Variants in CHCHD3 observed in about 807,000 individuals in gnomAD.
CHCHD3 encodes MICOS complex subunit MIC19.
A neutral mutation model predicts 38.2 loss-of-function variants in CHCHD3; 20 were observed. That is an observed-to-expected ratio of 0.52 (90% confidence interval 0.37 to 0.76). The LOEUF is 0.76. Ranked by LOEUF, CHCHD3 falls within the 30% of genes least tolerant of loss-of-function variation. The probability of loss-of-function intolerance (pLI) is 0.00; values close to 1 mark genes in which losing one functional copy is unlikely to be tolerated. For missense variants in CHCHD3, 245 were observed against 279.2 expected (o/e 0.88, Z 0.87); for synonymous variants, 82 against 100.0 (o/e 0.82, Z 1.07).
At chr7:133,027,962 G>T (rs1027110700) in intron 2 of CHCHD3, among the ~76,000 whole-genome samples, 1 of 151,994 alleles carries the variant, frequency 6.6e-6, no homozygotes, top group African/African-American at 2.4e-5. Flanking sequence ...ATGACATATG[G>T]GTACACCTGT....
At chr7:133,007,840 A>G (rs528843766) in intron 3 of CHCHD3, among the ~76,000 whole-genome samples, 1 of 152,234 alleles carries the variant, frequency 6.6e-6, no homozygotes, top group Non-Finnish European at 1.5e-5. Flanking sequence ...TGTCCCATAA[A>G]CAACAGGACT....
intron 6 of CHCHD3, among the ~76,000 whole-genome samples, chr7:132,824,488 T>A: frequency 6.6e-6 from 1 of 151,926 alleles, no homozygotes; most frequent in East Asian, 1.9e-4. Flanking sequence ...CAGGCTAATT[T>A]TCTGTTTAGT....
intron 3 of CHCHD3, among the ~76,000 whole-genome samples, chr7:133,014,757 C>T (rs1365063689): frequency 6.6e-6 from 1 of 152,020 alleles, no homozygotes; most frequent in Non-Finnish European, 1.5e-5. Flanking sequence ...AATTCCTGCA[C>T]TTCTTTATTG....
At chr7:132,836,447 T>A (rs1253788999) in intron 6 of CHCHD3, among the ~76,000 whole-genome samples, 2 of 151,958 alleles carry the variant, frequency 1.3e-5, no homozygotes, top group Non-Finnish European at 2.9e-5. Flanking sequence ...ACAACTTTTT[T>A]TTTCTCTTGC....
intron 4 of CHCHD3, among the ~76,000 whole-genome samples, chr7:132,944,546 G>A (rs1424444589): frequency 6.6e-6 from 1 of 151,364 alleles, no homozygotes; most frequent in African/African-American, 2.4e-5. Flanking sequence ...ACAATACATT[G>A]CTATAATAGA....
At chr7:133,014,329 CAA>C (rs35895641) in intron 3 of CHCHD3, among the ~76,000 whole-genome samples, 89 of 121,464 alleles carry the variant, frequency 7.3e-4, no homozygotes, top group African/African-American at 2.4e-3. Context: ...GGGGATAACT[CAA>C]AAAAAAAAAA....
At chr7:132,815,144 A>C (rs1807165130) in intron 6 of CHCHD3, among the ~76,000 whole-genome samples, 1 of 152,226 alleles carries the variant, frequency 6.6e-6, no homozygotes, top group Non-Finnish European at 1.5e-5. Flanking sequence ...AATTTTTATC[A>C]GACACCATCA....
At chr7:132,859,229 T>C (rs948015457) in intron 5 of CHCHD3, among the ~76,000 whole-genome samples, 1 of 152,148 alleles carries the variant, frequency 6.6e-6, no homozygotes, top group African/African-American at 2.4e-5. Flanking sequence ...TAAAAGTTAT[T>C]ATATATTAAA....
At chr7:133,024,419 G>T in intron 3 of CHCHD3, 127 bp downstream of exon 3, 1 of 761,214 alleles carries the variant, frequency 1.3e-6, no homozygotes, top group Non-Finnish European at 2.3e-6. Context: ...CCAAGTTCAT[G>T]TGTTCAGCAC....
intron 4 of CHCHD3, among the ~76,000 whole-genome samples, chr7:132,962,405 G>A (rs1185183529): frequency 1.3e-5 from 2 of 152,022 alleles, no homozygotes; most frequent in Admixed American, 6.6e-5. Context: ...CTACATTAAC[G>A]ACCTTGTCCT....
chr7:132,965,532 A>C (rs1029392342), intron 4 of CHCHD3, among the ~76,000 whole-genome samples: 2 of 152,136 alleles, frequency 1.3e-5, no homozygotes, highest in African/African-American at 2.4e-5. Context: ...CATAAGCTTC[A>C]AGACACTAAC....
chr7:133,060,703 G>A (rs1330908655), intron 2 of CHCHD3, among the ~76,000 whole-genome samples: 3 of 152,174 alleles, frequency 2.0e-5, no homozygotes, highest in Non-Finnish European at 4.4e-5. Flanking sequence ...GACGTCAGCA[G>A]TTCGAGACCA....
intron 4 of CHCHD3, among the ~76,000 whole-genome samples, chr7:132,888,242 G>A (rs1809265450): frequency 1.3e-5 from 2 of 151,754 alleles, no homozygotes; most frequent in South Asian, 2.1e-4. Context: ...AGACTTATGG[G>A]CGGTATCTAT....
At chr7:133,016,096 ATT>A (rs1813023166) in intron 3 of CHCHD3, among the ~76,000 whole-genome samples, 1 of 152,184 alleles carries the variant, frequency 6.6e-6, no homozygotes, top group Admixed American at 6.5e-5. Context: ...AGCACTGGGG[ATT>A]ATATTTCAAC....
intron 4 of CHCHD3, among the ~76,000 whole-genome samples, chr7:132,904,076 A>T (rs1287089299): frequency 6.6e-6 from 1 of 151,980 alleles, no homozygotes; most frequent in African/African-American, 2.4e-5. Flanking sequence ...CCCGGGCAAC[A>T]TGAGACCTCA....
intron 4 of CHCHD3, among the ~76,000 whole-genome samples, chr7:132,932,358 A>C (rs1810533992): frequency 6.6e-6 from 1 of 152,272 alleles, no homozygotes; most frequent in Admixed American, 6.5e-5. Flanking sequence ...TGAAAAAGAA[A>C]GATTGCAGGA....
chr7:132,841,096 T>C (rs187037578), intron 5 of CHCHD3, among the ~76,000 whole-genome samples: 2 of 152,316 alleles, frequency 1.3e-5, no homozygotes, highest in East Asian at 3.9e-4. Context: ...GGTAACATCA[T>C]GTAACAACCA....
intron 2 of CHCHD3, among the ~76,000 whole-genome samples, chr7:133,059,078 G>A (rs1814423096): frequency 6.6e-6 from 1 of 152,114 alleles, no homozygotes; most frequent in Non-Finnish European, 1.5e-5. Flanking sequence ...AGACTTCAAA[G>A]AGCAGGCCTC....
intron 1 of CHCHD3, among the ~76,000 whole-genome samples, chr7:133,078,037 G>C (rs1286440091): frequency 6.6e-6 from 1 of 152,160 alleles, no homozygotes; most frequent in African/African-American, 2.4e-5. Flanking sequence ...GCCAGGTGTG[G>C]AGGCTCACAC....
Sources: gnomAD v4.1 joint callset for allele counts (sites outside exome capture counted in the v4.1 genomes callset) on GRCh38, gnomAD v4.1.1 for gene constraint, MANE v1.5 for transcripts, NCBI Gene and HGNC (gene_info 2026-07-23, HGNC 2026-07-21) for gene names.